SART1: variants seen among roughly 807,000 people sequenced by gnomAD.
The protein encoded by SART1 is spliceosome associated factor 1, recruiter of U4/U6.U5 tri-snRNP.
SART1 carries 28 observed loss-of-function variants against 105.0 expected under a neutral mutation model. That is an observed-to-expected ratio of 0.27 (90% CI 0.20 to 0.37). The LOEUF is 0.37. Ranked by LOEUF, SART1 falls within the 10% of genes least tolerant of loss-of-function variation. The pLI is 1.00. For missense variants in SART1, 894 were observed against 1,106.5 expected (o/e 0.81, Z 2.72); for synonymous variants, 472 against 462.9 (o/e 1.02, Z -0.25).
At chr11:65,977,147 C>A in intron 15 of SART1, 46 bp downstream of exon 15, 1 of 1,449,574 alleles carries the variant, frequency 6.9e-7, no homozygotes, top group Non-Finnish European at 9.7e-7. Flanking sequence ...TTGGGTGCTG[C>A]TGCAGGTGCA....
intron 15 of SART1, 64 bp from the exon 16 acceptor site, chr11:65,977,499 C>A: frequency 7.0e-7 from 1 of 1,427,576 alleles, no homozygotes; most frequent in Non-Finnish European, 9.9e-7. Context: ...GCTCTGCCTT[C>A]TCAGGCGGCC....
chr11:65,965,862 C>G lies in SART1; in HGVS notation c.739-25C>G, dbSNP rs376611219. ...GAGGTTGGGTGCGTGGAGGGAGGTT[C>G]CTGACTCGCCGATTCTTCCCTTAGG... On this transcript the variant is annotated intron_variant, in intron 6 of 19. Coordinates refer to ENST00000312397, the MANE Select transcript of SART1 (RefSeq NM_005146.5). 1.4e-5 allele frequency: 22 copies of G among 1,613,616 alleles called. No individual in the cohort carries two copies. In the African/African-American group the frequency reaches 2.8e-4, roughly 21 times the overall value.
chr11:65,964,258 A>T (rs751479787), intron 2 of SART1, 127 bp downstream of exon 2: 3 of 938,868 alleles, frequency 3.2e-6, no homozygotes, highest in Admixed American at 4.0e-5. Flanking sequence ...AAATCATCTT[A>T]GCCAACAGTT....
At chr11:65,970,232 C>T (rs548219759) in intron 12 of SART1, among the ~76,000 whole-genome samples, 1 of 152,214 alleles carries the variant, frequency 6.6e-6, no homozygotes, top group Non-Finnish European at 1.5e-5. Flanking sequence ...AGGCATCTGG[C>T]GAAATCAGGG....
Position 65,967,599 on chromosome 11 carries a change from C to T in SART1, c.1429+13C>T. On this transcript the variant is annotated intron_variant, in intron 11 of 19. Transcript: ENST00000312397. ...ATCAGTGATGAGGGTGAGGGCCCGGCCAGGGGGTGGGAGGGGCAGGGACAG... is the reference window on the plus strand; with the variant it reads ...ATCAGTGATGAGGGTGAGGGCCCGGTCAGGGGGTGGGAGGGGCAGGGACAG... The T allele has an allele frequency of 6.2e-7, 1 of 1,610,338 alleles. No individual in the cohort carries two copies. The highest frequency in any genetic ancestry group is 1.1e-5 in the South Asian group (1 of 90,838).
chr11:65,969,766 A>G (rs750781492), intron 12 of SART1, among the ~76,000 whole-genome samples: 31 of 152,356 alleles, frequency 2.0e-4, no homozygotes, highest in Non-Finnish European at 3.7e-4. Flanking sequence ...CTCTGTCACC[A>G]GGCTGGAGTG....
In SART1 at chr11:65,962,064, G is replaced by C; in HGVS notation, c.284G>C (p.Arg95Pro). 1 of 1,489,236 alleles carries C rather than the reference G, an allele frequency of 6.7e-7. No individual in the cohort carries two copies. Among genetic ancestry groups the C allele is most frequent in the Non-Finnish European group, 8.9e-7 (1 of 1,127,458 alleles). The allele number at this position is 1,489,236 out of a possible 1,614,324, so 92.3% of individuals were successfully genotyped here. A position where few individuals can be genotyped will look rare whatever the true frequency, so the allele number is the denominator to read the frequency against. The part of the protein sequence containing the change: ...QAEPSERRVK[R>P]EKRDDGYEAA... ...GAGCCCTCCGAGCGGCGCGTGAAGCGGGAGAAGCGCGATGACGGCTACGAG... is the reference window on the plus strand; with the variant it reads ...GAGCCCTCCGAGCGGCGCGTGAAGCCGGAGAAGCGCGATGACGGCTACGAG... Residue 95 changes from arginine to proline, a missense_variant, in exon 1 of 20, where the codon CGG (arginine) becomes CCG (proline). By Grantham distance (103) the Arg-to-Pro change is moderately radical. This residue lies in a region of SART1 where 712 missense variants were observed against 778.2 expected (regional missense o/e 0.91). Coordinates refer to ENST00000312397, the MANE Select transcript of SART1 (RefSeq NM_005146.5).
chr11:65,967,136 G>C (rs940326732), intron 9 of SART1, 123 bp from the exon 10 acceptor site: 1 of 1,399,174 alleles, frequency 7.1e-7, no homozygotes, highest in Non-Finnish European at 9.7e-7. Flanking sequence ...TTGCTCATGT[G>C]TGGGAAGCGC....
In SART1 at chr11:65,978,708, G is replaced by T; in HGVS notation, c.2262+19G>T. The T allele has an allele frequency of 1.2e-6, 2 of 1,613,326 alleles. No individual in the cohort carries two copies. The highest frequency in any genetic ancestry group is 1.1e-5 in the South Asian group (1 of 91,060). ...GGAGGCGGTGGGTGCCCTTGGGGAT[G>T]TGGGGGGCCCTGTGCCTGCCGGGGC... On this transcript the variant is annotated intron_variant, in intron 18 of 19. Transcript: ENST00000312397. This position sits in a 1 kb window ranked among gnomAD's most constrained non-coding sequence, Gnocchi z 6.8.
intron 12 of SART1, among the ~76,000 whole-genome samples, chr11:65,970,806 G>T (rs1194269943): frequency 3.5e-5 from 3 of 84,884 alleles, no homozygotes; most frequent in African/African-American, 1.3e-4. Context: ...GAGGGGGATG[G>T]TGGGATTCAT....
chr11:65,962,445 A>C (rs1334970290), intron 1 of SART1, among the ~76,000 whole-genome samples: 1 of 152,248 alleles, frequency 6.6e-6, no homozygotes, highest in East Asian at 1.9e-4. Flanking sequence ...TCAGATTCTC[A>C]ATAAATATGT....
rs569870417 is a variant in SART1 at position 65,975,862 on chromosome 11, G to C, written c.1573-533G>C. Among the ~76,000 whole-genome samples the C allele has an allele frequency of 2.6e-5, 4 of 152,220 alleles. No individual in the cohort carries two copies. In the South Asian group the frequency reaches 6.2e-4, roughly 24 times the overall value. ...AGGAGGGAAAGCAGAGGGTGCTGGT[G>C]CCCGTGTGGGGGTCGCTGGATTCAG... is the stretch of plus-strand genomic sequence containing the variant. On this transcript the variant is annotated intron_variant, in intron 12 of 19. Transcript: ENST00000312397.
Position 65,961,994 on chromosome 11 carries a change from G to A in SART1, c.214G>A (p.Ala72Thr). ...ERGSGRRGAE[A>T]EARSSTHGRE... ...CGGGAGCGGGCGGCGCGGGGCCGAA[G>A]CTGAGGCCCGGAGCAGCACGCACGG... The change falls in exon 1 of 20, where the codon GCT becomes ACT. Residue 72 changes from alanine to threonine, a missense_variant. This residue lies in a region of SART1 where 712 missense variants were observed against 778.2 expected (regional missense o/e 0.91). Coordinates refer to ENST00000312397, the MANE Select transcript of SART1 (RefSeq NM_005146.5). 1 of 1,519,364 alleles carries A rather than the reference G, an allele frequency of 6.6e-7. No homozygotes were observed. Among genetic ancestry groups the A allele is most frequent in the Non-Finnish European group, 8.8e-7 (1 of 1,137,526 alleles). 94.1% of individuals were successfully genotyped at this position (1,519,364 alleles called of 1,614,324 possible).
chr11:65,975,026 T>G (rs886426829), intron 12 of SART1, among the ~76,000 whole-genome samples: 5 of 151,158 alleles, frequency 3.3e-5, no homozygotes, highest in African/African-American at 1.2e-4. Flanking sequence ...GGCGACAAAG[T>G]GAGACTCTGT....
At chr11:65,973,537 C>T (rs529270039) in intron 12 of SART1, among the ~76,000 whole-genome samples, 1 of 152,336 alleles carries the variant, frequency 6.6e-6, no homozygotes, top group East Asian at 1.9e-4. Flanking sequence ...GAGTAAAGGA[C>T]ATGGAGCGGC....
intron 12 of SART1, among the ~76,000 whole-genome samples, chr11:65,972,795 A>G (rs968175850): frequency 6.6e-6 from 1 of 151,884 alleles, no homozygotes; most frequent in Non-Finnish European, 1.5e-5. Flanking sequence ...CAAAAAAAAA[A>G]AAAAACCAAG....
chr11:65,964,903 G>A, intron 3 of SART1, 189 bp from the exon 4 acceptor site: 1 of 701,164 alleles, frequency 1.4e-6, no homozygotes, highest in South Asian at 2.4e-5. Flanking sequence ...AAGCCACAGA[G>A]GGTCCTGTTG....
chr11:65,976,318 G>A lies in SART1; in HGVS notation c.1573-77G>A. 1 of 1,420,202 alleles carries A rather than the reference G, an allele frequency of 7.0e-7. No individual in the cohort carries two copies. The highest frequency in any genetic ancestry group is 1.5e-5 in the South Asian group (1 of 66,544). 88.0% of individuals were successfully genotyped at this position (1,420,202 alleles called of 1,614,324 possible). On this transcript the variant is annotated intron_variant, in intron 12 of 19. Transcript: ENST00000312397. The surrounding 1 kb of genome is among the most constrained non-coding windows in gnomAD (Gnocchi z 5.1). ...TGGCCTGTCTGGCTGCTGCCAGGGA[G>A]GACCCTTAGGTTCCTGGGTCTCAAT...
At chr11:65,964,865 C>G (rs761542453) in intron 3 of SART1, among the ~76,000 whole-genome samples, 1 of 152,194 alleles carries the variant, frequency 6.6e-6, no homozygotes, top group Non-Finnish European at 1.5e-5. Context: ...TCTTGTTTTT[C>G]TTTAAAGCAC....
Sources: allele counts gnomAD v4.1 joint callset (sites outside exome capture counted in the v4.1 genomes callset), GRCh38; gene constraint gnomAD v4.1.1; regional missense constraint gnomAD v4.1.1; non-coding constraint Gnocchi (gnomAD v3.1); transcripts MANE v1.5; gene names NCBI Gene and HGNC (gene_info 2026-07-23, HGNC 2026-07-21).